CPB2: variants seen among roughly 807,000 people sequenced by gnomAD.
CPB2 encodes carboxypeptidase B2, also known as carboxypeptidase B-like protein.
A neutral mutation model predicts 57.0 loss-of-function variants in CPB2; 54 were observed. That is an observed-to-expected ratio of 0.95 (90% confidence interval 0.76 to 1.19). The LOEUF is 1.19. Among genes scored for constraint, CPB2 ranks in the 50% most tolerant of loss-of-function variants. The pLI, the probability that CPB2 is intolerant of heterozygous loss-of-function variation, is 0.00. For missense variants in CPB2, 426 were observed against 512.0 expected (o/e 0.83, Z 1.62); for synonymous variants, 189 against 178.1 (o/e 1.06, Z -0.49).
Position 46,090,584 on chromosome 13 carries a change from G to A in CPB2, c.75-2764C>T, listed in dbSNP as rs191502515. 5.9e-3 allele frequency among the ~76,000 whole-genome samples: 897 copies of A among 151,588 alleles called. 5 individuals carry two copies. The highest frequency in any genetic ancestry group is 0.01 in the Non-Finnish European group (691 of 67,890). ...TCACCATGTTAGTCAGGCTGGTCTC[G>A]AACTCCTGACCCCGTGATCCACCCG... On this transcript the variant is annotated intron_variant, in intron 1 of 10. Coordinates refer to ENST00000181383, the MANE Select transcript of CPB2 (RefSeq NM_001872.5).
chr13:46,087,313 C>T (rs1315051927), intron 2 of CPB2, among the ~76,000 whole-genome samples: 1 of 152,238 alleles, frequency 6.6e-6, no homozygotes, highest in Non-Finnish European at 1.5e-5. Flanking sequence ...AGATGGGCCG[C>T]CACTGCCATT....
At chr13:46,072,708 G>A (rs537509922) in intron 6 of CPB2, among the ~76,000 whole-genome samples, 45 of 152,252 alleles carry the variant, frequency 3.0e-4, no homozygotes, top group Admixed American at 2.0e-3. Context: ...CAACCTCACC[G>A]ATATAAATTA....
intron 1 of CPB2, among the ~76,000 whole-genome samples, chr13:46,103,180 G>A (rs2045457349): frequency 6.6e-6 from 1 of 152,198 alleles, no homozygotes; most frequent in Admixed American, 6.5e-5. Context: ...CCAAGAGTTT[G>A]GGTTACTCTA....
In CPB2 at chr13:46,058,187, C is replaced by T. The variant is rs372153722; in HGVS notation, c.991G>A (p.Glu331Lys). Reference protein sequence around the residue: ...SYTRSKSKDHEELSLVASEAV... With the variant: ...SYTRSKSKDHKELSLVASEAV... ...AATTAAGTAGCACTTACCAGTTCCT[C>T]ATGGTCTTTGCTTTTACTTCGTGTA... Residue 331 changes from glutamate to lysine, a missense_variant, in exon 9 of 11, where the codon GAG (glutamate) becomes AAG (lysine). Physicochemically the swap from Glu to Lys is moderately conservative, Grantham distance 56. Coordinates refer to ENST00000181383, the MANE Select transcript of CPB2 (RefSeq NM_001872.5). 5 of 1,611,368 alleles carry T rather than the reference C, an allele frequency of 3.1e-6. No homozygotes were observed. Among genetic ancestry groups the T allele is most frequent in the East Asian group, 2.2e-5 (1 of 44,862 alleles).
At chr13:46,103,338 C>G (rs1349184053) in intron 1 of CPB2, among the ~76,000 whole-genome samples, 1 of 152,220 alleles carries the variant, frequency 6.6e-6, no homozygotes, top group Non-Finnish European at 1.5e-5. Context: ...AATCCCGAAC[C>G]TCTCTTCCAA....
chr13:46,087,820 A>G lies in CPB2; in HGVS notation c.75T>C (p.Ser25=). 1 of 1,602,560 alleles carries G rather than the reference A, an allele frequency of 6.2e-7. No individual in the cohort carries two copies. The highest frequency in any genetic ancestry group is 1.1e-5 in the South Asian group (1 of 90,110). Reference sequence around the variant, plus strand: ...TAGGAAGAGCAGCTAGAACTTGGCCACTGGGGAAAAAAATAAAAGAGGATT... The same window carrying G: ...TAGGAAGAGCAGCTAGAACTTGGCCGCTGGGGAAAAAAATAAAAGAGGATT... ...FCEQHVFAFQ[S]GQVLAALPRT... Residue 25 remains serine (S), a splice_region_variant and synonymous_variant, in exon 2 of 11, where the codon AGT becomes AGC. Transcript: ENST00000181383.
At position 46,058,341 on chromosome 13, in the gene CPB2, A is replaced by G. The variant is rs1196528960; in HGVS notation, c.837T>C (p.Cys279=). Residue 279 remains cysteine, a synonymous_variant, in exon 9 of 11, where the codon TGT becomes TGC. Transcript: ENST00000181383. The part of the protein sequence containing the change: ...ASSSSCSETY[C]GLYPESEPEV... ...CTGGTTCTGACTCAGGATAAAGTCC[A>G]CAGTAGGTTTCCGAGCATGAGGAAC... 6.2e-7 allele frequency: 1 copy of G among 1,614,032 alleles called. No individual in the cohort carries two copies. The highest frequency in any genetic ancestry group is 8.5e-7 in the Non-Finnish European group (1 of 1,179,984).
chr13:46,061,276 G>C (rs2044769138), intron 8 of CPB2, among the ~76,000 whole-genome samples: 1 of 152,212 alleles, frequency 6.6e-6, no homozygotes, highest in South Asian at 2.1e-4. Context: ...ATTCAAGCCA[G>C]TTGCAAAAAC....
chr13:46,088,060 A>G (rs1232754289), intron 1 of CPB2, among the ~76,000 whole-genome samples: 2 of 152,180 alleles, frequency 1.3e-5, no homozygotes, highest in African/African-American at 4.8e-5. Context: ...CAGAGTATTT[A>G]CTTCTTTCCT....
intron 8 of CPB2, 106 bp from the exon 9 acceptor site, chr13:46,058,487 A>G (rs2044728447): frequency 1.1e-6 from 1 of 895,194 alleles, no homozygotes; most frequent in South Asian, 1.5e-5. Context: ...ACACTTTTAG[A>G]TGAATGGATT....
chr13:46,100,956 G>C (rs1402999026), intron 1 of CPB2: 1 of 152,180 alleles, frequency 6.6e-6, no homozygotes, highest in Non-Finnish European at 1.5e-5. Flanking sequence ...AAAGAGTAAG[G>C]TGTGTTTGTG....
At chr13:46,087,297 C>A (rs942501919) in intron 2 of CPB2, among the ~76,000 whole-genome samples, 4 of 152,220 alleles carry the variant, frequency 2.6e-5, no homozygotes, top group Non-Finnish European at 4.4e-5. Context: ...TGGCAGCAGC[C>A]GCTCTAGATG....
intron 5 of CPB2, among the ~76,000 whole-genome samples, chr13:46,075,510 C>G (rs1185875679): frequency 6.6e-6 from 1 of 152,202 alleles, no homozygotes; most frequent in Non-Finnish European, 1.5e-5. Flanking sequence ...CCAAGGACTA[C>G]ACACAACATG....
intron 6 of CPB2, among the ~76,000 whole-genome samples, chr13:46,069,553 G>A (rs1206704717): frequency 6.6e-6 from 1 of 151,950 alleles, no homozygotes; most frequent in Non-Finnish European, 1.5e-5. Context: ...CTGTCTCTGT[G>A]GATTTGCCCA....
intron 7 of CPB2, among the ~76,000 whole-genome samples, chr13:46,065,190 T>C (rs1408461981): frequency 6.6e-6 from 1 of 152,202 alleles, no homozygotes; most frequent in East Asian, 1.9e-4. Context: ...ACCACTCCCC[T>C]TTCAAAGCTA....
At chr13:46,067,689 T>G (rs1234808075) in intron 6 of CPB2, among the ~76,000 whole-genome samples, 1 of 152,190 alleles carries the variant, frequency 6.6e-6, no homozygotes, top group African/African-American at 2.4e-5. Flanking sequence ...AATTAATTCT[T>G]TATTAAAGCC....
chr13:46,083,175 G>C (rs1256610596), intron 3 of CPB2, among the ~76,000 whole-genome samples: 1 of 151,890 alleles, frequency 6.6e-6, no homozygotes, highest in Non-Finnish European at 1.5e-5. Flanking sequence ...ACTAATAAAG[G>C]GTTCTTTACT....
intron 7 of CPB2, among the ~76,000 whole-genome samples, chr13:46,066,041 A>G (rs2044849177): frequency 6.6e-6 from 1 of 152,210 alleles, no homozygotes; most frequent in Non-Finnish European, 1.5e-5. Flanking sequence ...CAGTTACAGT[A>G]TTCCTCTCAC....
intron 1 of CPB2, among the ~76,000 whole-genome samples, chr13:46,088,244 C>T (rs749128389): frequency 1.2e-4 from 19 of 152,220 alleles, no homozygotes; most frequent in Non-Finnish European, 2.5e-4. Context: ...GTGCTCCTCT[C>T]TGTCCTACCC....
Sources: allele counts gnomAD v4.1 joint callset (sites outside exome capture counted in the v4.1 genomes callset), GRCh38; gene constraint gnomAD v4.1.1; transcripts MANE v1.5; gene names NCBI Gene and HGNC (gene_info 2026-07-23, HGNC 2026-07-21).